Variants in RAB31 observed in about 807,000 individuals in gnomAD.
The protein encoded by RAB31 is RAB31, member RAS oncogene family, also known as ras-related protein Rab-31.
RAB31 carries 21 observed loss-of-function variants against 25.6 expected under a neutral mutation model. That is an observed-to-expected ratio of 0.82 (90% CI 0.58 to 1.18). The LOEUF (loss-of-function observed/expected upper bound fraction) is 1.18. Ranked by LOEUF, RAB31 falls within the 50% of genes most tolerant of loss-of-function variation. RAB31 has a pLI of 0.00. For synonymous variants in RAB31, 87 were observed against 84.0 expected (o/e 1.04, Z -0.20); for missense variants, 196 against 250.1 (o/e 0.78, Z 1.46).
intron 1 of RAB31, chr18:9,735,482 G>T: frequency 4.7e-6 from 1 of 211,366 alleles, no homozygotes; most frequent in Admixed American, 4.3e-5. Flanking sequence ...AGTTGATCCT[G>T]TGGTGGTGCA....
At chr18:9,748,941 A>G (rs1463011684) in intron 1 of RAB31, among the ~76,000 whole-genome samples, 2 of 152,166 alleles carry the variant, frequency 1.3e-5, no homozygotes, top group Non-Finnish European at 2.9e-5. Flanking sequence ...GAATTACAAG[A>G]TTCAAATAGT....
chr18:9,825,283 G>T (rs1333477269), intron 5 of RAB31, among the ~76,000 whole-genome samples: 1 of 152,170 alleles, frequency 6.6e-6, no homozygotes, highest in Non-Finnish European at 1.5e-5. Context: ...CTAATTCAAG[G>T]TCTGTGCTAT....
chr18:9,769,655 C>A (rs1391898384), intron 1 of RAB31, among the ~76,000 whole-genome samples: 1 of 152,212 alleles, frequency 6.6e-6, no homozygotes, highest in Non-Finnish European at 1.5e-5. Context: ...TTGACTTCTT[C>A]TTTTCCTATT....
At chr18:9,797,792 T>C (rs2068494181) in intron 3 of RAB31, among the ~76,000 whole-genome samples, 2 of 152,264 alleles carry the variant, frequency 1.3e-5, no homozygotes, top group South Asian at 4.1e-4. Context: ...GCTGTTTTCA[T>C]TTGATATTAC....
At chr18:9,775,451 C>T (rs2068367495) in intron 2 of RAB31, 94 bp downstream of exon 2, 4 of 1,557,858 alleles carry the variant, frequency 2.6e-6, no homozygotes, top group Admixed American at 3.8e-5. Context: ...GGCAGGGCCA[C>T]AGTTTTCATC....
intron 3 of RAB31, among the ~76,000 whole-genome samples, chr18:9,806,746 A>G (rs1175789175): frequency 6.6e-6 from 1 of 152,210 alleles, no homozygotes; most frequent in Non-Finnish European, 1.5e-5. Context: ...TATTTGCTTC[A>G]AAAGACTCCA....
At chr18:9,775,790 CT>C (rs146777746) in intron 2 of RAB31, among the ~76,000 whole-genome samples, 1 of 151,446 alleles carries the variant, frequency 6.6e-6, no homozygotes, top group Non-Finnish European at 1.5e-5. Flanking sequence ...CTGGAATTAT[CT>C]TTTTTTTTAC....
chr18:9,744,534 A>G (rs1043354040), intron 1 of RAB31, among the ~76,000 whole-genome samples: 10 of 152,190 alleles, frequency 6.6e-5, no homozygotes, highest in Admixed American at 6.5e-4. Flanking sequence ...ACCTTTGATT[A>G]TTATTTTTAA....
chr18:9,847,684 G>A lies in RAB31; in HGVS notation c.490+1993G>A, dbSNP rs559412818. On this transcript the variant is annotated intron_variant, in intron 6 of 6. Transcript: ENST00000578921. Reference sequence around the variant, plus strand: ...ACCTCCTGGGCTCAAGCAATCCTCCGACCTCAGCCACCTGGGTAGCTGGGA... The same window carrying A: ...ACCTCCTGGGCTCAAGCAATCCTCCAACCTCAGCCACCTGGGTAGCTGGGA... Among the ~76,000 whole-genome samples, 7 of 151,920 alleles carry A rather than the reference G, an allele frequency of 4.6e-5. No homozygotes were observed. In the South Asian group the frequency reaches 1.0e-3, roughly 23 times the overall value.
intron 1 of RAB31, among the ~76,000 whole-genome samples, chr18:9,774,470 T>G (rs1000136862): frequency 1.3e-5 from 2 of 152,212 alleles, no homozygotes; most frequent in African/African-American, 4.8e-5. Context: ...TTGACTTGCT[T>G]CTTTATTGGC....
chr18:9,794,963 G>A (rs998236841), intron 3 of RAB31, among the ~76,000 whole-genome samples: 2 of 152,112 alleles, frequency 1.3e-5, no homozygotes, highest in African/African-American at 2.4e-5. Context: ...AACAAATCTG[G>A]AGGCATCACA....
At chr18:9,804,823 CAA>C (rs5823072) in intron 3 of RAB31, among the ~76,000 whole-genome samples, 5 of 151,952 alleles carry the variant, frequency 3.3e-5, no homozygotes, top group African/African-American at 9.7e-5. Context: ...CCCCTCACTC[CAA>C]AAAAAAGAGG....
At chr18:9,811,930 A>G (rs2068573790) in intron 3 of RAB31, among the ~76,000 whole-genome samples, 1 of 152,246 alleles carries the variant, frequency 6.6e-6, no homozygotes, top group Non-Finnish European at 1.5e-5. Flanking sequence ...AAAATAACAT[A>G]GACTGGGTGG....
intron 1 of RAB31, among the ~76,000 whole-genome samples, chr18:9,713,438 A>G (rs1327012074): frequency 2.6e-5 from 4 of 152,158 alleles, no homozygotes; most frequent in African/African-American, 9.7e-5. Flanking sequence ...TCTATGTTAC[A>G]CGAGAATAAA....
chr18:9,742,353 C>G (rs2068184040), intron 1 of RAB31, among the ~76,000 whole-genome samples: 1 of 152,138 alleles, frequency 6.6e-6, no homozygotes, highest in African/African-American at 2.4e-5. Context: ...GAACAGTCCT[C>G]CCATTTGTCT....
intron 1 of RAB31, among the ~76,000 whole-genome samples, chr18:9,757,197 G>A (rs2068264419): frequency 6.6e-6 from 1 of 152,220 alleles, no homozygotes; most frequent in Non-Finnish European, 1.5e-5. Flanking sequence ...GGGAGTCAGA[G>A]CCCGAAGATC....
In RAB31 at chr18:9,750,426, G is replaced by T. The variant is rs552523994; in HGVS notation, c.40-24852G>T. On this transcript the variant is annotated intron_variant, in intron 1 of 6. Transcript: ENST00000578921. ...AAGGACATTCGTCTAGAAGGATCCC[G>T]CCTTGTAAAAATGCAGGCTTGGCAT... is the stretch of plus-strand genomic sequence containing the variant. 3.3e-5 allele frequency among the ~76,000 whole-genome samples: 5 copies of T among 152,258 alleles called. 1 individual carries two copies. Among genetic ancestry groups the T allele is most frequent in the African/African-American group, 1.2e-4 (5 of 41,544 alleles).
chr18:9,826,047 A>G (rs2068648114), intron 5 of RAB31, among the ~76,000 whole-genome samples: 1 of 152,108 alleles, frequency 6.6e-6, no homozygotes, highest in Non-Finnish European at 1.5e-5. Flanking sequence ...CCATGTAACA[A>G]ACCTGCACAC....
intron 4 of RAB31, chr18:9,814,834 G>A (rs2143078957): frequency 3.7e-6 from 1 of 266,822 alleles, no homozygotes. Context: ...TTCATGTGGA[G>A]TCCAGGCTAT....
Sources: gnomAD v4.1 joint callset for allele counts (sites outside exome capture counted in the v4.1 genomes callset) on GRCh38, gnomAD v4.1.1 for gene constraint, MANE v1.5 for transcripts, NCBI Gene and HGNC (gene_info 2026-07-23, HGNC 2026-07-21) for gene names.